Variants in CHRNA7 observed in about 807,000 individuals in gnomAD.
The protein encoded by CHRNA7 is neuronal acetylcholine receptor subunit alpha-7.
CHRNA7 carries 17 observed loss-of-function variants against 48.0 expected under a neutral mutation model. The ratio of observed to expected loss-of-function variants is 0.35; its 90% CI spans 0.24 to 0.53. The LOEUF (loss-of-function observed/expected upper bound fraction) is 0.53, where lower values mean the gene tolerates loss of function less well. CHRNA7 is among the 20% of genes least tolerant of loss of function. CHRNA7 has a pLI of 0.92. For missense variants in CHRNA7, 155 were observed against 577.7 expected, an observed-to-expected ratio of 0.27 and a Z score of 7.50; for synonymous variants, 75 against 242.3, an observed-to-expected ratio of 0.31 and a Z score of 6.41.
chr15:32,051,506 C>G (rs1351406782), intron 2 of CHRNA7, among the ~76,000 whole-genome samples: 1 of 152,300 alleles, frequency 6.6e-6, no homozygotes, highest in Admixed American at 6.5e-5. Context: ...GTCAGAAAAG[C>G]GCAGTATTGG....
At chr15:32,065,064 GT>G (rs1262119350) in intron 2 of CHRNA7, among the ~76,000 whole-genome samples, 1 of 152,182 alleles carries the variant, frequency 6.6e-6, no homozygotes, top group African/African-American at 2.4e-5. Context: ...CCAAAAGTAA[GT>G]TTTTCAAAAC....
At chr15:32,140,146 C>T (rs991745169) in intron 4 of CHRNA7, among the ~76,000 whole-genome samples, 12 of 135,380 alleles carry the variant, frequency 8.9e-5, no homozygotes, top group African/African-American at 3.3e-4. Flanking sequence ...TTGTTCAGTT[C>T]CCGTCTATGA....
At chr15:32,152,911 T>G (rs1048871609) in intron 4 of CHRNA7, among the ~76,000 whole-genome samples, 2 of 152,054 alleles carry the variant, frequency 1.3e-5, no homozygotes, top group East Asian at 3.9e-4. Context: ...GGGCTGTGTG[T>G]GTGTGGGTGT....
intron 4 of CHRNA7, among the ~76,000 whole-genome samples, chr15:32,153,145 G>A (rs905941430): frequency 3.3e-5 from 5 of 152,190 alleles, no homozygotes; most frequent in African/African-American, 7.2e-5. Context: ...TGTGGGCCGG[G>A]CACGGTGGCT....
intron 2 of CHRNA7, among the ~76,000 whole-genome samples, chr15:32,092,418 TTAG>T (rs2050398537): frequency 6.6e-6 from 1 of 152,196 alleles, no homozygotes; most frequent in Non-Finnish European, 1.5e-5. Flanking sequence ...ACTTTGTATA[TTAG>T]TTGTGTGTGT....
chr15:32,136,852 A>G (rs941940630), intron 4 of CHRNA7, among the ~76,000 whole-genome samples: 20 of 130,226 alleles, frequency 1.5e-4, no homozygotes, highest in Non-Finnish European at 1.6e-5. Flanking sequence ...TAACACGGTG[A>G]AACCCCGTCT....
intron 2 of CHRNA7, 105 bp downstream of exon 2, chr15:32,031,142 C>G (rs1441928096): frequency 7.3e-7 from 1 of 1,376,086 alleles, no homozygotes; most frequent in African/African-American, 1.4e-5. Flanking sequence ...CTGGGGCACT[C>G]TAGTTGGCCC....
At chr15:32,139,568 T>C (rs2051338267) in intron 4 of CHRNA7, among the ~76,000 whole-genome samples, 1 of 146,472 alleles carries the variant, frequency 6.8e-6, no homozygotes, top group Admixed American at 7.0e-5. Context: ...AATAGATGCG[T>C]AGTGGTGTCT....
chr15:32,141,316 T>C (rs1029961402), intron 4 of CHRNA7, among the ~76,000 whole-genome samples: 4 of 152,234 alleles, frequency 2.6e-5, no homozygotes, highest in Non-Finnish European at 2.9e-5. Context: ...GCTGTTTTGG[T>C]TACTGTAGCC....
At chr15:32,048,381 T>A (rs935525957) in intron 2 of CHRNA7, among the ~76,000 whole-genome samples, 41 of 152,362 alleles carry the variant, frequency 2.7e-4, no homozygotes, top group Middle Eastern at 3.4e-3. Context: ...ATTCAACTTC[T>A]TCCTGGTTTA....
At chr15:32,042,345 G>T (rs1258464470) in intron 2 of CHRNA7, among the ~76,000 whole-genome samples, 1 of 152,088 alleles carries the variant, frequency 6.6e-6, no homozygotes, top group Non-Finnish European at 1.5e-5. Context: ...ACCCCGGAGG[G>T]TTAGACTCTG....
At chr15:32,099,918 CT>C (rs2050541674) in intron 2 of CHRNA7, 1 of 152,156 alleles carries the variant, frequency 6.6e-6, no homozygotes, top group Admixed American at 6.5e-5. Flanking sequence ...TGTTCAGCAT[CT>C]TGTGGACATT....
chr15:32,034,626 A>T (rs1428792879), intron 2 of CHRNA7, among the ~76,000 whole-genome samples: 1 of 152,164 alleles, frequency 6.6e-6, no homozygotes, highest in African/African-American at 2.4e-5. Context: ...GCAGTGTGCC[A>T]GGGGTTTTGT....
chr15:32,143,275 G>A (rs2051419604), intron 4 of CHRNA7, among the ~76,000 whole-genome samples: 1 of 152,200 alleles, frequency 6.6e-6, no homozygotes, highest in African/African-American at 2.4e-5. Context: ...ATTGCACTGT[G>A]GTCTGAGAGA....
At chr15:32,053,906 C>G (rs530565234) in intron 2 of CHRNA7, among the ~76,000 whole-genome samples, 10 of 152,124 alleles carry the variant, frequency 6.6e-5, no homozygotes, top group South Asian at 2.1e-4. Flanking sequence ...TGGCAGTGGA[C>G]GAGGAGTAGG....
At chr15:32,123,692 C>G (rs140977871) in intron 4 of CHRNA7, among the ~76,000 whole-genome samples, 61 of 152,246 alleles carry the variant, frequency 4.0e-4, no homozygotes, top group Non-Finnish European at 6.5e-4. Context: ...CACAGACCTT[C>G]TTATCTCCCA....
intron 2 of CHRNA7, among the ~76,000 whole-genome samples, chr15:32,068,384 A>G (rs892390249): frequency 4.6e-5 from 7 of 152,206 alleles, no homozygotes; most frequent in Middle Eastern, 3.2e-3. Context: ...AGACACTCCA[A>G]TGAAAATACA....
chr15:32,049,629 G>A (rs1350515847), intron 2 of CHRNA7, among the ~76,000 whole-genome samples: 1 of 152,166 alleles, frequency 6.6e-6, no homozygotes, highest in Non-Finnish European at 1.5e-5. Context: ...TTTAATTGGA[G>A]CATTTAGTCC....
intron 4 of CHRNA7, among the ~76,000 whole-genome samples, chr15:32,116,699 A>G (rs911038489): frequency 2.6e-5 from 4 of 152,256 alleles, no homozygotes; most frequent in Non-Finnish European, 4.4e-5. Context: ...TACACCGTGC[A>G]GAGACAGGCA....
Sources: gnomAD v4.1 joint callset for allele counts (sites outside exome capture counted in the v4.1 genomes callset) on GRCh38, gnomAD v4.1.1 for gene constraint, MANE v1.5 for transcripts, NCBI Gene and HGNC (gene_info 2026-07-23, HGNC 2026-07-21) for gene names.